The following CEP83 variants were observed in gnomAD, a reference collection of about 807,000 sequenced individuals.
CEP83 encodes the protein centrosomal protein of 83 kDa.
A neutral mutation model predicts 101.9 loss-of-function variants in CEP83; 70 were observed. The ratio of observed to expected loss-of-function variants is 0.69; its 90% CI spans 0.57 to 0.84. CEP83 has a LOEUF of 0.84. CEP83 is among the 40% of genes least tolerant of loss of function. The probability of loss-of-function intolerance (pLI) is 0.00; values close to 1 mark genes in which losing one functional copy is unlikely to be tolerated. For synonymous variants in CEP83, 264 were observed against 267.9 expected (o/e 0.99, Z 0.14); for missense variants, 715 against 787.2 (o/e 0.91, Z 1.10).
intron 11 of CEP83, among the ~76,000 whole-genome samples, chr12:94,356,723 TCCAGTCGGATGATTC>T (rs999639803): frequency 6.6e-6 from 1 of 152,230 alleles, no homozygotes; most frequent in African/African-American, 2.4e-5. Context: ...TGTTACTGTT[TCCAGTCGGATGATTC>T]CTACTGACTG....
intron 4 of CEP83, chr12:94,407,878 G>A (rs1566115182): frequency 1.3e-5 from 2 of 152,610 alleles, no homozygotes; most frequent in Non-Finnish European, 2.9e-5. Context: ...GGGTGCAGTG[G>A]CACGATCTTG....
intron 2 of CEP83, among the ~76,000 whole-genome samples, chr12:94,419,829 A>C (rs1053815450): frequency 9.2e-5 from 14 of 152,310 alleles, no homozygotes; most frequent in Admixed American, 6.5e-4. Flanking sequence ...TTTTTATTAC[A>C]CACTAAAATT....
intron 8 of CEP83, among the ~76,000 whole-genome samples, chr12:94,375,244 A>G (rs907512232): frequency 3.9e-5 from 6 of 152,198 alleles, no homozygotes; most frequent in Non-Finnish European, 7.3e-5. Flanking sequence ...AGACAGAGGA[A>G]GAAGGAAGAT....
At chr12:94,445,039 T>A (rs2066696862) in intron 1 of CEP83, among the ~76,000 whole-genome samples, 1 of 151,904 alleles carries the variant, frequency 6.6e-6, no homozygotes, top group African/African-American at 2.4e-5. Flanking sequence ...AAAAAAACTT[T>A]GAAAAAGAAC....
chr12:94,337,683 T>A (rs888009027), intron 11 of CEP83, among the ~76,000 whole-genome samples: 1 of 152,112 alleles, frequency 6.6e-6, no homozygotes, highest in South Asian at 2.1e-4. Context: ...CATTAGAGGA[T>A]AAGTTAAGGC....
At chr12:94,435,935 C>T (rs2065949048) in intron 1 of CEP83, among the ~76,000 whole-genome samples, 2 of 152,144 alleles carry the variant, frequency 1.3e-5, no homozygotes, top group African/African-American at 4.8e-5. Flanking sequence ...CCAGCACCAG[C>T]CTGGAGCCCA....
chr12:94,278,083 C>A, the CEP83 span: 1 of 455,874 alleles, frequency 2.2e-6, no homozygotes, highest in Non-Finnish European at 4.4e-6. Flanking sequence ...TCTGTATGGG[C>A]GAGCATCTTC....
At chr12:94,367,646 G>C (rs2061086902) in intron 11 of CEP83, 148 bp downstream of exon 11, 2 of 439,406 alleles carry the variant, frequency 4.6e-6, no homozygotes, top group Non-Finnish European at 7.8e-6. Context: ...TCTTAATCTT[G>C]ATTATTATAA....
intron 15 of CEP83, among the ~76,000 whole-genome samples, chr12:94,311,157 G>A (rs1969805455): frequency 6.6e-6 from 1 of 152,162 alleles, no homozygotes; most frequent in South Asian, 2.1e-4. Context: ...CCAAAAGCAT[G>A]GGGTCAGAGA....
At chr12:94,445,544 T>C (rs1432394043) in intron 1 of CEP83, among the ~76,000 whole-genome samples, 1 of 152,256 alleles carries the variant, frequency 6.6e-6, no homozygotes, top group East Asian at 1.9e-4. Context: ...GTTACATAAA[T>C]GACAAGATAT....
chr12:94,292,652 A>G, the CEP83 span, among the ~76,000 whole-genome samples: 1 of 152,358 alleles, frequency 6.6e-6, no homozygotes, highest in East Asian at 1.9e-4. Context: ...CCATGTTTAA[A>G]CACAGAATTT....
chr12:94,442,194 G>A (rs1594093145), intron 1 of CEP83, among the ~76,000 whole-genome samples: 3 of 151,914 alleles, frequency 2.0e-5, no homozygotes. Flanking sequence ...CAGCAACTGA[G>A]ATGGCATTGG....
Position 94,378,954 on chromosome 12 carries a change from A to C in CEP83, c.638T>G (p.Leu213Arg). The change falls in exon 7 of 17, where the codon CTT becomes CGT. Residue 213 changes from leucine (L) to arginine (R), a missense_variant. Transcript: ENST00000397809. ...ACACAAATAGACTTTTTCTCGAGCA[A>C]GTTGTTCCACTCGTTTGCTGTCTTT... ...LTKDSKRVEQ[L>R]AREKVYLCQK... is the part of the protein sequence containing the mutation. 4 of 1,614,074 alleles carry C rather than the reference A, an allele frequency of 2.5e-6. No homozygotes were observed. Among genetic ancestry groups the C allele is most frequent in the Non-Finnish European group, 3.4e-6 (4 of 1,179,976 alleles).
the CEP83 span, among the ~76,000 whole-genome samples, chr12:94,268,061 A>T: frequency 6.6e-6 from 1 of 152,300 alleles, no homozygotes; most frequent in African/African-American, 2.4e-5. Context: ...GAGCATCCTC[A>T]CGAACCACTT....
intron 14 of CEP83, among the ~76,000 whole-genome samples, chr12:94,317,714 C>T (rs558637423): frequency 6.6e-6 from 1 of 152,190 alleles, no homozygotes; most frequent in South Asian, 2.1e-4. Flanking sequence ...TGTTGAAGAT[C>T]AGATGATTGT....
chr12:94,360,173 T>C (rs964333544), intron 11 of CEP83, among the ~76,000 whole-genome samples: 8 of 151,924 alleles, frequency 5.3e-5, no homozygotes, highest in Non-Finnish European at 1.0e-4. Flanking sequence ...AACATCATAC[T>C]GAACAAAAAA....
intron 2 of CEP83, among the ~76,000 whole-genome samples, chr12:94,422,078 T>G (rs2064800806): frequency 1.3e-5 from 2 of 152,190 alleles, no homozygotes; most frequent in South Asian, 4.1e-4. Context: ...TTCTCTTCCT[T>G]ATTTGGAGGT....
chr12:94,278,017 G>T, the CEP83 span: 2 of 455,944 alleles, frequency 4.4e-6, no homozygotes, highest in African/African-American at 4.0e-5. Flanking sequence ...CCTGGCTAGT[G>T]TCCACAGTAC....
At chr12:94,336,799 T>A (rs1055768610) in intron 11 of CEP83, among the ~76,000 whole-genome samples, 4 of 152,152 alleles carry the variant, frequency 2.6e-5, no homozygotes, top group Admixed American at 1.3e-4. Flanking sequence ...CTCCATTAAA[T>A]GTTTATGAAT....
Sources: allele counts gnomAD v4.1 joint callset (sites outside exome capture counted in the v4.1 genomes callset), GRCh38; gene constraint gnomAD v4.1.1; transcripts MANE v1.5; gene names NCBI Gene and HGNC (gene_info 2026-07-23, HGNC 2026-07-21).